Variants in GK5 observed in about 807,000 individuals in gnomAD.
The protein encoded by GK5 is glycerol kinase 5.
Under a neutral mutation model 77.3 loss-of-function variants are expected in GK5, and 39 were observed. That is an observed-to-expected ratio of 0.50 (90% CI 0.39 to 0.66). The LOEUF (loss-of-function observed/expected upper bound fraction) is 0.66, where lower values mean the gene tolerates loss of function less well. Among genes scored for constraint, GK5 ranks in the 30% least tolerant of loss-of-function variants. The pLI is 0.00. For synonymous variants in GK5, 211 were observed against 208.0 expected, an observed-to-expected ratio of 1.01 and a Z score of -0.13; for missense variants, 487 against 633.8, an observed-to-expected ratio of 0.77 and a Z score of 2.49.
intron 9 of GK5, among the ~76,000 whole-genome samples, chr3:142,184,286 A>AAAG (rs2063738175): frequency 1.4e-5 from 2 of 147,764 alleles, no homozygotes; most frequent in South Asian, 4.3e-4. Context: ...AAAAAAAAAA[A>AAAG]GAAAATAAGA....
intron 5 of GK5, among the ~76,000 whole-genome samples, chr3:142,193,426 T>C (rs1309660602): frequency 6.6e-6 from 1 of 151,890 alleles, no homozygotes; most frequent in African/African-American, 2.4e-5. Context: ...CAAGATTCTT[T>C]TGCTAATCTG....
intron 5 of GK5, among the ~76,000 whole-genome samples, chr3:142,188,584 G>A (rs1303882717): frequency 6.6e-6 from 1 of 152,194 alleles, no homozygotes; most frequent in Non-Finnish European, 1.5e-5. Context: ...TGGCCCACAG[G>A]CCAAATCCAG....
Position 142,159,853 on chromosome 3 carries a change from C to CTCTCTTTTTTTTTTTTTTTTTTT in GK5, c.*5768_*5769insAAAAAAAAAAAAAAAAAAAGAGA, listed in dbSNP as rs1553825247. On this transcript the variant is annotated 3_prime_UTR_variant, in exon 16 of 16. Coordinates refer to ENST00000392993, the MANE Select transcript of GK5 (RefSeq NM_001039547.3). ...TTTCTCTCTCTCTCTCTCTCTCTCTCTTTTTTTTTTTTGAGACAGAGTCTC... is the reference window on the plus strand; with the variant it reads ...TTTCTCTCTCTCTCTCTCTCTCTCTCTCTCTTTTTTTTTTTTTTTTTTTTTTTTTTTTTTTGAGACAGAGTCTC... 1 of 106,124 alleles carries CTCTCTTTTTTTTTTTTTTTTTTT rather than the reference C, an allele frequency of 9.4e-6. No individual in the cohort carries two copies. Among genetic ancestry groups the CTCTCTTTTTTTTTTTTTTTTTTT allele is most frequent in the African/African-American group, 4.1e-5 (1 of 24,254 alleles). 6.6% of individuals were successfully genotyped at this position (106,124 alleles called of 1,614,324 possible). A position where few individuals can be genotyped will look rare whatever the true frequency, so the allele number is the denominator to read the frequency against.
intron 2 of GK5, among the ~76,000 whole-genome samples, chr3:142,214,209 T>A (rs1482428507): frequency 1.3e-5 from 2 of 152,186 alleles, no homozygotes; most frequent in African/African-American, 2.4e-5. Context: ...TATGTCAGAT[T>A]TATTTTTTCT....
chr3:142,204,707 A>T lies in GK5; in HGVS notation c.399T>A (p.Ser133=). The T allele has an allele frequency of 1.3e-6, 2 of 1,534,304 alleles. No homozygotes were observed. Among genetic ancestry groups the T allele is most frequent in the Non-Finnish European group, 1.8e-6 (2 of 1,109,184 alleles). ...AVELVKSWNN[S]LLMKIFHSSC... The stretch of plus-strand genomic sequence containing the variant: ...AGAAAAAGATTACCTTCATAAGAAG[A>T]GAATTATTCCAAGATTTTACAAGTT... Residue 133 remains serine (S), a synonymous_variant, in exon 4 of 16, where the codon TCT becomes TCA. Transcript: ENST00000392993.
chr3:142,210,796 C>A (rs1577146637), intron 3 of GK5, among the ~76,000 whole-genome samples: 4 of 152,372 alleles, frequency 2.6e-5, no homozygotes, highest in Non-Finnish European at 5.9e-5. Flanking sequence ...CAGACAAAAA[C>A]TCTGCTTCCT....
Position 142,225,331 on chromosome 3 carries a change from A to G in GK5, c.125T>C (p.Val42Ala). The G allele has an allele frequency of 1.3e-6, 2 of 1,552,028 alleles. No individual in the cohort carries two copies. Among genetic ancestry groups the G allele is most frequent in the Non-Finnish European group, 1.7e-6 (2 of 1,149,748 alleles). ...RCHVYDRAAR[V>A]CGSSVQKVEN... Reference sequence around the variant, plus strand: ...CACCTTCTGCACGCTGGAGCCGCAGACCCGCGCCGCCCGGTCATAGACGTG... The same window carrying G: ...CACCTTCTGCACGCTGGAGCCGCAGGCCCGCGCCGCCCGGTCATAGACGTG... The change falls in exon 1 of 16, where the codon GTC becomes GCC. Residue 42 changes from valine (V) to alanine (A), a missense_variant. Around this residue, in one of 4 missense-constraint regions of GK5, gnomAD observed 97 missense variants for 86.9 expected, o/e 1.12. Transcript: ENST00000392993.
intron 10 of GK5, 60 bp downstream of exon 10, chr3:142,182,863 A>C: frequency 8.3e-7 from 1 of 1,198,684 alleles, no homozygotes; most frequent in Non-Finnish European, 1.2e-6. Context: ...GTATCACAGA[A>C]GTTAAATATG....
At chr3:142,173,037 T>C (rs1266834586) in intron 12 of GK5, 5 of 278,302 alleles carry the variant, frequency 1.8e-5, no homozygotes, top group African/African-American at 8.8e-5. Flanking sequence ...ATACCACCTT[T>C]ACAAAAAACT....
intron 15 of GK5, among the ~76,000 whole-genome samples, chr3:142,169,669 CTTTTTTT>C (rs71304258): frequency 2.6e-5 from 3 of 116,932 alleles, no homozygotes; most frequent in South Asian, 5.5e-4. Flanking sequence ...CCTTACTGTT[CTTTTTTT>C]TTTTTTTTTT....
intron 3 of GK5, among the ~76,000 whole-genome samples, chr3:142,211,926 T>A (rs2107795832): frequency 6.6e-6 from 1 of 152,328 alleles, no homozygotes; most frequent in Non-Finnish European, 1.5e-5. Context: ...TTATCATTTT[T>A]CCTTCTACCT....
chr3:142,168,388 C>T (rs1013288322), intron 15 of GK5, among the ~76,000 whole-genome samples: 2 of 152,032 alleles, frequency 1.3e-5, no homozygotes, highest in African/African-American at 4.8e-5. Context: ...TTCAATCAAA[C>T]GTTAATCAAT....
chr3:142,186,275 T>C lies in GK5; in HGVS notation c.682-8A>G, dbSNP rs1384277024. ...CATCCCACTCCAACACATCTGAGCA[T>C]AAAAACGTATCATCAGAATATACAT... On this transcript the variant is annotated splice_polypyrimidine_tract_variant and splice_region_variant and intron_variant, in intron 7 of 15. Transcript: ENST00000392993. The C allele has an allele frequency of 5.1e-6, 8 of 1,573,362 alleles. No homozygotes were observed. Among genetic ancestry groups the C allele is most frequent in the African/African-American group, 1.3e-5 (1 of 74,084 alleles).
intron 5 of GK5, among the ~76,000 whole-genome samples, chr3:142,194,758 T>C (rs992510220): frequency 6.6e-6 from 1 of 151,444 alleles, no homozygotes; most frequent in Non-Finnish European, 1.5e-5. Flanking sequence ...ATAATATTAG[T>C]GCTAATTTTT....
chr3:142,223,739 G>A (rs991762791), intron 1 of GK5, among the ~76,000 whole-genome samples: 13 of 152,256 alleles, frequency 8.5e-5, no homozygotes, highest in African/African-American at 3.1e-4. Context: ...TCAGGAGGCT[G>A]AGGCAGGAGA....
At chr3:142,177,654 A>G in intron 11 of GK5, 78 bp from the exon 12 acceptor site, 1 of 808,018 alleles carries the variant, frequency 1.2e-6, no homozygotes, top group South Asian at 1.5e-5. Context: ...ATTATGTTAC[A>G]TGATAGTATT....
chr3:142,171,821 T>C (rs1341205725), intron 13 of GK5, among the ~76,000 whole-genome samples: 1 of 152,166 alleles, frequency 6.6e-6, no homozygotes, highest in Non-Finnish European at 1.5e-5. Flanking sequence ...AAGTAAAATC[T>C]AATAGAATTC....
At chr3:142,184,054 C>G (rs2063731658) in intron 9 of GK5, among the ~76,000 whole-genome samples, 1 of 151,460 alleles carries the variant, frequency 6.6e-6, no homozygotes, top group African/African-American at 2.4e-5. Flanking sequence ...GTCAGGAGAT[C>G]AAGACCATCC....
chr3:142,223,072 C>T (rs1397117002), intron 1 of GK5, among the ~76,000 whole-genome samples: 1 of 152,038 alleles, frequency 6.6e-6, no homozygotes, highest in African/African-American at 2.4e-5. Flanking sequence ...TTTCTTTTAT[C>T]CAGACACATT....
Sources: gnomAD v4.1 joint callset for allele counts (sites outside exome capture counted in the v4.1 genomes callset) on GRCh38, gnomAD v4.1.1 for gene constraint, gnomAD v4.1.1 regional missense constraint, MANE v1.5 for transcripts, NCBI Gene and HGNC (gene_info 2026-07-23, HGNC 2026-07-21) for gene names.